Variants in SUCLG2 observed in about 807,000 individuals in gnomAD.
SUCLG2 encodes the protein succinate--CoA ligase [GDP-forming] subunit beta, mitochondrial.
SUCLG2 carries 42 observed loss-of-function variants against 47.9 expected under a neutral mutation model. The observed-to-expected ratio is 0.88, with a 90% CI of 0.69 to 1.14. SUCLG2 has a LOEUF of 1.14. Among genes scored for constraint, SUCLG2 ranks in the 50% most tolerant of loss-of-function variants. SUCLG2 has a pLI of 0.00. For missense variants in SUCLG2, 571 were observed against 525.9 expected (o/e 1.09, Z -0.84); for synonymous variants, 195 against 197.3 (o/e 0.99, Z 0.10).
chr3:67,635,901 C>T (rs550538245), intron 1 of SUCLG2, among the ~76,000 whole-genome samples: 11 of 152,288 alleles, frequency 7.2e-5, no homozygotes, highest in African/African-American at 2.6e-4. Flanking sequence ...CTTTCCAAAA[C>T]CTTCAAGTAC....
At chr3:67,364,547 G>C (rs1366372719) in intron 10 of SUCLG2, among the ~76,000 whole-genome samples, 1 of 152,192 alleles carries the variant, frequency 6.6e-6, no homozygotes, top group Non-Finnish European at 1.5e-5. Flanking sequence ...GTCAGTGGAG[G>C]CGTAATGAAA....
chr3:67,459,987 C>T (rs549805073), intron 9 of SUCLG2, among the ~76,000 whole-genome samples: 2 of 152,184 alleles, frequency 1.3e-5, no homozygotes, highest in Non-Finnish European at 2.9e-5. Context: ...TGCCAGAGGT[C>T]CCACATTACA....
intron 2 of SUCLG2, among the ~76,000 whole-genome samples, chr3:67,538,888 T>G (rs183584712): frequency 1.6e-4 from 25 of 152,344 alleles, no homozygotes; most frequent in African/African-American, 5.8e-4. Flanking sequence ...GGAATGCTTG[T>G]GATTTTTGCA....
intron 1 of SUCLG2, among the ~76,000 whole-genome samples, chr3:67,615,061 G>A (rs1159760930): frequency 6.6e-6 from 1 of 152,064 alleles, no homozygotes; most frequent in East Asian, 1.9e-4. Flanking sequence ...GGAGGGGAAG[G>A]GGAAAAATAC....
chr3:67,565,859 C>T (rs1168387903), intron 2 of SUCLG2, among the ~76,000 whole-genome samples: 1 of 152,216 alleles, frequency 6.6e-6, no homozygotes, highest in Non-Finnish European at 1.5e-5. Flanking sequence ...GCAGCTGTCA[C>T]TTAAAGTACA....
chr3:67,377,606 T>A (rs369443539), intron 10 of SUCLG2, among the ~76,000 whole-genome samples: 1 of 152,182 alleles, frequency 6.6e-6, no homozygotes, highest in African/African-American at 2.4e-5. Flanking sequence ...GGAGTGTTCC[T>A]AGCTGGGGCA....
chr3:67,579,514 G>T (rs1010301450), intron 2 of SUCLG2, among the ~76,000 whole-genome samples: 3 of 152,080 alleles, frequency 2.0e-5, no homozygotes, highest in Non-Finnish European at 4.4e-5. Flanking sequence ...ATAAAATCAG[G>T]GGTAAAATTC....
Position 67,591,098 on chromosome 3 carries a change from G to A in SUCLG2, c.226+18357C>T, listed in dbSNP as rs536503093. ...GCTGTGCATTTATTGATCTCTAATCGGTTGCTGGAATGAACTGAACAAGAA... is the reference window on the plus strand; with the variant it reads ...GCTGTGCATTTATTGATCTCTAATCAGTTGCTGGAATGAACTGAACAAGAA... On this transcript the variant is annotated intron_variant, in intron 2 of 10. Transcript: ENST00000307227. Among the ~76,000 whole-genome samples, 22 of 152,194 alleles carry A rather than the reference G, an allele frequency of 1.4e-4. No homozygotes were observed. In the South Asian group the frequency reaches 3.5e-3, roughly 24 times the overall value.
intron 2 of SUCLG2, among the ~76,000 whole-genome samples, chr3:67,562,196 G>T (rs1029452670): frequency 3.3e-5 from 5 of 152,070 alleles, no homozygotes; most frequent in Non-Finnish European, 2.9e-5. Flanking sequence ...TCTTCCTTGT[G>T]TAATCTTCAG....
chr3:67,373,317 G>A (rs1701977583), downstream of SUCLG2, among the ~76,000 whole-genome samples: 1 of 151,648 alleles, frequency 6.6e-6, no homozygotes. Context: ...AAAATAAAAT[G>A]TAGAAGAATT....
intron 2 of SUCLG2, among the ~76,000 whole-genome samples, chr3:67,551,648 C>T (rs982710114): frequency 5.9e-5 from 9 of 152,120 alleles, no homozygotes; most frequent in Non-Finnish European, 1.3e-4. Flanking sequence ...GCTTGGCTGG[C>T]GTTTTGTGGA....
intron 2 of SUCLG2, among the ~76,000 whole-genome samples, chr3:67,536,572 C>A (rs1235096996): frequency 1.3e-5 from 2 of 152,214 alleles, no homozygotes; most frequent in Non-Finnish European, 2.9e-5. Flanking sequence ...CCAAGCCCTG[C>A]TGCCCAGTCG....
At chr3:67,454,010 A>G (rs369699839) in intron 9 of SUCLG2, among the ~76,000 whole-genome samples, 1 of 152,218 alleles carries the variant, frequency 6.6e-6, no homozygotes, top group South Asian at 2.1e-4. Flanking sequence ...TTGTTCTTAC[A>G]TAAAACTTTT....
chr3:67,646,628 T>G (rs1254016511), intron 1 of SUCLG2, among the ~76,000 whole-genome samples: 2 of 151,918 alleles, frequency 1.3e-5, no homozygotes, highest in Non-Finnish European at 2.9e-5. Context: ...AAATTCAGCT[T>G]TCAGAGACAC....
chr3:67,428,847 A>T (rs1004145689), intron 9 of SUCLG2, among the ~76,000 whole-genome samples: 1 of 152,214 alleles, frequency 6.6e-6, no homozygotes, highest in African/African-American at 2.4e-5. Flanking sequence ...AAGAAAGGAT[A>T]TTAGTGATTG....
intron 1 of SUCLG2, among the ~76,000 whole-genome samples, chr3:67,616,689 CT>C (rs1187300370): frequency 1.3e-5 from 2 of 152,166 alleles, no homozygotes; most frequent in Non-Finnish European, 2.9e-5. Flanking sequence ...TCTCTATTAA[CT>C]TTTGTGCAAA....
At chr3:67,390,116 G>A (rs1702348118) in intron 10 of SUCLG2, among the ~76,000 whole-genome samples, 1 of 152,194 alleles carries the variant, frequency 6.6e-6, no homozygotes, top group Admixed American at 6.5e-5. Flanking sequence ...ACAGTCTGAA[G>A]AACTGTGAGA....
At chr3:67,398,614 G>A (rs1465749453) in intron 10 of SUCLG2, among the ~76,000 whole-genome samples, 29 of 151,964 alleles carry the variant, frequency 1.9e-4, no homozygotes, top group Non-Finnish European at 3.5e-4. Flanking sequence ...TCAGTATGGC[G>A]ATTCCTCAGG....
chr3:67,375,906 G>A (rs773612094), intron 10 of SUCLG2, 47 bp from the exon 11 acceptor site: 19 of 1,588,828 alleles, frequency 1.2e-5, no homozygotes, highest in East Asian at 4.5e-5. Context: ...TAGAGGTGGC[G>A]CCTTATGAAG....
Sources: allele counts gnomAD v4.1 joint callset (sites outside exome capture counted in the v4.1 genomes callset), GRCh38; gene constraint gnomAD v4.1.1; transcripts MANE v1.5; gene names NCBI Gene and HGNC (gene_info 2026-07-23, HGNC 2026-07-21).